The following ADAMTSL1 variants were observed in gnomAD, a reference collection of about 807,000 sequenced individuals.
ADAMTSL1 encodes ADAMTS-like protein 1.
In ADAMTSL1, 126 loss-of-function variants were observed where a neutral mutation model predicts 201.8. The ratio of observed to expected loss-of-function variants is 0.62; its 90% CI spans 0.54 to 0.72. The LOEUF (loss-of-function observed/expected upper bound fraction) is 0.72. ADAMTSL1 is among the 30% of genes least tolerant of loss of function. The pLI, the probability that ADAMTSL1 is intolerant of heterozygous loss-of-function variation, is 0.00. For missense variants in ADAMTSL1, 2,679 were observed against 2,277.8 expected (o/e 1.18, Z -3.59); for synonymous variants, 1,121 against 903.4 (o/e 1.24, Z -4.32).
chr9:18,195,973 C>T (rs143578560), intron 2 of ADAMTSL1, among the ~76,000 whole-genome samples: 2 of 152,042 alleles, frequency 1.3e-5, no homozygotes, highest in African/African-American at 4.8e-5. Flanking sequence ...ATTTTTGAAA[C>T]TTAAAAGAAA....
chr9:18,212,250 A>C (rs1359963647), intron 2 of ADAMTSL1, among the ~76,000 whole-genome samples: 1 of 152,106 alleles, frequency 6.6e-6, no homozygotes, highest in East Asian at 1.9e-4. Flanking sequence ...TTGAACAGCA[A>C]ACTCAAAGTC....
chr9:18,828,709 GTATA>G (rs1372945581), intron 22 of ADAMTSL1, among the ~76,000 whole-genome samples: 4 of 87,636 alleles, frequency 4.6e-5, no homozygotes, highest in East Asian at 3.4e-4. Context: ...GTGTGTGTGT[GTATA>G]TATATATATG....
intron 28 of ADAMTSL1, 57 bp from the exon 29 acceptor site, chr9:18,908,385 G>C: frequency 7.0e-7 from 1 of 1,435,012 alleles, no homozygotes; most frequent in Non-Finnish European, 9.6e-7. Flanking sequence ...GCGTTCATTA[G>C]TCTCTGTTTC....
chr9:18,687,007 A>G (rs1002433337), intron 13 of ADAMTSL1, among the ~76,000 whole-genome samples: 1 of 152,232 alleles, frequency 6.6e-6, no homozygotes, highest in African/African-American at 2.4e-5. Flanking sequence ...GTGTAATGAA[A>G]TTGCCATCTT....
At chr9:18,516,293 A>G (rs1166205838) in intron 2 of ADAMTSL1, among the ~76,000 whole-genome samples, 1 of 152,166 alleles carries the variant, frequency 6.6e-6, no homozygotes, top group East Asian at 1.9e-4. Context: ...AAGCAAACAG[A>G]GGGTGGTCTG....
chr9:18,839,753 T>A (rs569115320), intron 23 of ADAMTSL1, among the ~76,000 whole-genome samples: 1 of 152,208 alleles, frequency 6.6e-6, no homozygotes, highest in East Asian at 1.9e-4. Context: ...GGTATCTCAT[T>A]GTGGTTTTGA....
At chr9:18,600,999 G>A (rs894125212) in intron 4 of ADAMTSL1, among the ~76,000 whole-genome samples, 11 of 152,034 alleles carry the variant, frequency 7.2e-5, no homozygotes, top group African/African-American at 2.7e-4. Flanking sequence ...GTTTCCTTCA[G>A]CATTATTCTC....
At chr9:18,065,358 T>C (rs985829543) in intron 1 of ADAMTSL1, among the ~76,000 whole-genome samples, 19 of 152,192 alleles carry the variant, frequency 1.2e-4, no homozygotes, top group African/African-American at 4.6e-4. Flanking sequence ...CTTTAATAAG[T>C]GTGGATTAAC....
intron 4 of ADAMTSL1, among the ~76,000 whole-genome samples, chr9:18,584,176 C>T (rs1016668515): frequency 4.6e-5 from 7 of 152,148 alleles, no homozygotes; most frequent in South Asian, 2.1e-4. Context: ...ACAATTCCCA[C>T]GTGTTGTGGG....
chr9:18,233,288 T>C (rs2132416688), intron 2 of ADAMTSL1, among the ~76,000 whole-genome samples: 1 of 152,290 alleles, frequency 6.6e-6, no homozygotes, highest in African/African-American at 2.4e-5. Flanking sequence ...AATTGGAAAG[T>C]GTAAGAATAT....
chr9:18,463,878 A>T (rs1856705), intron 2 of ADAMTSL1, among the ~76,000 whole-genome samples: 1 of 152,190 alleles, frequency 6.6e-6, no homozygotes, highest in African/African-American at 2.4e-5. Context: ...TATACCCAGC[A>T]GTGGAATTGC....
intron 1 of ADAMTSL1, among the ~76,000 whole-genome samples, chr9:18,124,658 G>T (rs541676389): frequency 7.2e-5 from 11 of 152,024 alleles, no homozygotes; most frequent in Non-Finnish European, 1.5e-4. Context: ...ATTTGAACAG[G>T]TGTTTTTAAA....
At chr9:17,915,086 T>C (rs1826044528) in intron 1 of ADAMTSL1, among the ~76,000 whole-genome samples, 2 of 152,344 alleles carry the variant, frequency 1.3e-5, no homozygotes, top group South Asian at 4.1e-4. Context: ...TGCACATGTT[T>C]AAAGTATACA....
At chr9:18,058,394 C>A (rs1049351391) in intron 1 of ADAMTSL1, among the ~76,000 whole-genome samples, 2 of 152,194 alleles carry the variant, frequency 1.3e-5, no homozygotes, top group Non-Finnish European at 2.9e-5. Flanking sequence ...TAACATATAA[C>A]TGCCATGTTC....
At chr9:18,835,611 G>T (rs2131289552) in intron 23 of ADAMTSL1, among the ~76,000 whole-genome samples, 1 of 152,240 alleles carries the variant, frequency 6.6e-6, no homozygotes, top group African/African-American at 2.4e-5. Flanking sequence ...CCATCACCCA[G>T]ATACTGAATA....
intron 1 of ADAMTSL1, among the ~76,000 whole-genome samples, chr9:18,092,788 T>C (rs1325736645): frequency 1.3e-5 from 2 of 152,234 alleles, no homozygotes; most frequent in Non-Finnish European, 2.9e-5. Flanking sequence ...CTTAATGAAA[T>C]AGACATTTTT....
intron 1 of ADAMTSL1, among the ~76,000 whole-genome samples, chr9:18,109,596 G>A (rs1824912936): frequency 6.6e-6 from 1 of 152,140 alleles, no homozygotes; most frequent in African/African-American, 2.4e-5. Flanking sequence ...ATAAATAAAA[G>A]GAGATGCTTA....
chr9:17,935,369 C>G (rs1826962625), intron 1 of ADAMTSL1, among the ~76,000 whole-genome samples: 1 of 152,194 alleles, frequency 6.6e-6, no homozygotes, highest in African/African-American at 2.4e-5. Flanking sequence ...CTTACTTTCA[C>G]TCAGTATCAC....
intron 2 of ADAMTSL1, among the ~76,000 whole-genome samples, chr9:18,211,973 T>C (rs756800050): frequency 6.6e-6 from 1 of 152,178 alleles, no homozygotes; most frequent in Non-Finnish European, 1.5e-5. Context: ...ATTTTGATTT[T>C]GACTTAGTAT....
Sources: gnomAD v4.1 joint callset for allele counts (sites outside exome capture counted in the v4.1 genomes callset) on GRCh38, gnomAD v4.1.1 for gene constraint, MANE v1.5 for transcripts, NCBI Gene and HGNC (gene_info 2026-07-23, HGNC 2026-07-21) for gene names.